Variants in LINGO3 observed in about 807,000 individuals in gnomAD.
The protein encoded by LINGO3 is leucine-rich repeat and immunoglobulin-like domain-containing nogo receptor-interacting protein 3.
For missense variants in LINGO3, 750 were observed against 867.7 expected (o/e 0.86, Z 1.70); for synonymous variants, 427 against 444.2 (o/e 0.96, Z 0.49).
At chr19:2,297,496 G>A in the LINGO3 span, among the ~76,000 whole-genome samples, 116 of 151,284 alleles carry the variant, frequency 7.7e-4, 2 homozygotes, top group Middle Eastern at 0.014. Context: ...GTAGAGACGG[G>A]ATTTCACCAC....
chr19:2,297,386 C>T, the LINGO3 span, among the ~76,000 whole-genome samples: 46 of 147,482 alleles, frequency 3.1e-4, no homozygotes, highest in Non-Finnish European at 5.5e-4. Context: ...TTCACTGCAA[C>T]CTCCGCCTCC....
At chr19:2,291,933 AC>A in exon 1 of LINGO3, 1 of 661,982 alleles carries the variant, frequency 1.5e-6, no homozygotes, top group Non-Finnish European at 2.7e-6. Context: ...GCTCCTGTAA[AC>A]CCAGCATTTT....
upstream of LINGO3, among the ~76,000 whole-genome samples, chr19:2,296,933 ATAC>A (rs1467168523): frequency 6.6e-6 from 1 of 151,638 alleles, no homozygotes; most frequent in African/African-American, 2.4e-5. Context: ...CTAAAAAAAC[ATAC>A]AAAAAATTAG....
chr19:2,296,892 T>C (rs1033491545), upstream of LINGO3, among the ~76,000 whole-genome samples: 1 of 148,608 alleles, frequency 6.7e-6, no homozygotes, highest in Admixed American at 6.7e-5. Context: ...ATCGAGACCA[T>C]CCTGGCTAAC....
chr19:2,299,899 A>G, the LINGO3 span, among the ~76,000 whole-genome samples: 17,281 of 144,260 alleles, frequency 0.12, 1,271 homozygotes, highest in East Asian at 0.21. Flanking sequence ...AATTTTTTGT[A>G]TTTTTAGCAG....
exon 1 of LINGO3, chr19:2,291,845 C>T: frequency 7.4e-7 from 1 of 1,343,944 alleles, no homozygotes; most frequent in Non-Finnish European, 1.0e-6. Context: ...GGGGAGCGGG[C>T]AGCGTTAGCA....
chr19:2,306,478 A>C, the LINGO3 span, among the ~76,000 whole-genome samples: 1 of 152,134 alleles, frequency 6.6e-6, no homozygotes, highest in African/African-American at 2.4e-5. Context: ...AGAGACATCA[A>C]ACTGCCTTCT....
the LINGO3 span, among the ~76,000 whole-genome samples, chr19:2,300,305 G>T: frequency 3.3e-5 from 5 of 152,066 alleles, no homozygotes; most frequent in African/African-American, 9.6e-5. Flanking sequence ...GTGCTAGGAT[G>T]ACAGGTATGA....
Position 2,290,414 on chromosome 19 carries a change from C to G in LINGO3, c.1363G>C (p.Gly455Arg). The G allele has an allele frequency of 1.4e-6, 2 of 1,424,196 alleles. No individual in the cohort carries two copies. Among genetic ancestry groups the G allele is most frequent in the Non-Finnish European group, 1.8e-6 (2 of 1,096,932 alleles). 88.2% of individuals were successfully genotyped at this position (1,424,196 alleles called of 1,614,324 possible). ...CCCCCGGGGAGCACGCGCGCCCGGC[C>G]CGCGCTGGTGGCCGTCACCGGCCGG... The change falls in exon 1 of 1, where the codon GGC (glycine) becomes CGC (arginine). Residue 455 changes from glycine (G) to arginine (R), a missense_variant. Coordinates refer to ENST00000585527, the Ensembl canonical transcript of LINGO3. The surrounding 1 kb of genome is among the most constrained non-coding windows in gnomAD (Gnocchi z 6.0).
chr19:2,294,107 C>G (rs2025552413), upstream of LINGO3, among the ~76,000 whole-genome samples: 1 of 152,170 alleles, frequency 6.6e-6, no homozygotes, highest in Non-Finnish European at 1.5e-5. The surrounding 1 kb of genome is among the most constrained non-coding windows in gnomAD (Gnocchi z 4.3). Context: ...TGCACGGGAC[C>G]TCATTTGGAA....
chr19:2,298,536 ATTTTTTTTT>A, the LINGO3 span, among the ~76,000 whole-genome samples: 16 of 114,130 alleles, frequency 1.4e-4, no homozygotes, highest in African/African-American at 3.6e-4. Context: ...TGGGCCAATA[ATTTTTTTTT>A]TTTTTTTTTT....
upstream of LINGO3, among the ~76,000 whole-genome samples, chr19:2,295,056 A>G (rs1344472447): frequency 6.6e-6 from 1 of 152,140 alleles, no homozygotes. Flanking sequence ...CCGCCTCCCC[A>G]GTGCCTACGC....
chr19:2,297,754 G>A, the LINGO3 span, among the ~76,000 whole-genome samples: 3 of 151,976 alleles, frequency 2.0e-5, no homozygotes, highest in South Asian at 2.1e-4. Flanking sequence ...ACAGGCATAC[G>A]CCACCACGCC....
rs531889983 is a variant in LINGO3, at chr19:2,290,950, T to A, written c.827A>T (p.Asn276Ile). The stretch of plus-strand genomic sequence containing the variant: ...CGTGCTGATGGGGTTGTGCGACAGA[T>A]TGAGGCAGGTGAGGTGCGCCTGGTG... The change falls in exon 1 of 1, where the codon AAT (asparagine) becomes ATT (isoleucine). Residue 276 changes from asparagine to isoleucine, a missense_variant. Physicochemically the swap from Asn to Ile is moderately radical, Grantham distance 149. Transcript: ENST00000585527. The surrounding 1 kb of genome is among the most constrained non-coding windows in gnomAD (Gnocchi z 6.0). The A allele has an allele frequency of 6.2e-7, 1 of 1,611,672 alleles. No individual in the cohort carries two copies. Among genetic ancestry groups the A allele is most frequent in the South Asian group, 1.1e-5 (1 of 91,042 alleles).
At chr19:2,302,804 C>A in the LINGO3 span, among the ~76,000 whole-genome samples, 3 of 152,232 alleles carry the variant, frequency 2.0e-5, no homozygotes, top group African/African-American at 7.2e-5. Flanking sequence ...GCAGGGACGG[C>A]GTTGGCGGTG....
the LINGO3 span, among the ~76,000 whole-genome samples, chr19:2,302,975 C>T: frequency 5.3e-5 from 8 of 152,368 alleles, 1 homozygote; most frequent in East Asian, 5.8e-4. Context: ...CGCAGACGCC[C>T]GCAGCACCAC....
chr19:2,294,634 G>A (rs1009086974), upstream of LINGO3, among the ~76,000 whole-genome samples: 1 of 151,902 alleles, frequency 6.6e-6, no homozygotes, highest in Admixed American at 6.6e-5. This position sits in a 1 kb window ranked among gnomAD's most constrained non-coding sequence, Gnocchi z 4.3. Context: ...GTTAGGAGGG[G>A]CCTCTGGGTG....
At chr19:2,302,225 C>G in the LINGO3 span, among the ~76,000 whole-genome samples, 1 of 151,818 alleles carries the variant, frequency 6.6e-6, no homozygotes, top group Non-Finnish European at 1.5e-5. Context: ...CTACGCCCAG[C>G]TAATTTTTGG....
At chr19:2,302,810 C>T in the LINGO3 span, among the ~76,000 whole-genome samples, 1 of 152,246 alleles carries the variant, frequency 6.6e-6, no homozygotes, top group African/African-American at 2.4e-5. Flanking sequence ...ACGGCGTTGG[C>T]GGTGGTGGAC....
Sources: gnomAD v4.1 joint callset for allele counts (sites outside exome capture counted in the v4.1 genomes callset) on GRCh38, gnomAD v4.1.1 for gene constraint, Gnocchi (gnomAD v3.1) non-coding constraint, MANE v1.5 for transcripts, NCBI Gene and HGNC (gene_info 2026-07-23, HGNC 2026-07-21) for gene names.